Variants in PARD3B observed in about 807,000 individuals in gnomAD.
The protein encoded by PARD3B is partitioning defective 3 homolog B.
A neutral mutation model predicts 130.2 loss-of-function variants in PARD3B; 103 were observed. The ratio of observed to expected loss-of-function variants is 0.79; its 90% CI spans 0.67 to 0.93. The LOEUF (loss-of-function observed/expected upper bound fraction) is 0.93. Ranked by LOEUF, PARD3B falls within the 40% of genes least tolerant of loss-of-function variation. The pLI is 0.00. For missense variants in PARD3B, 1,609 were observed against 1,499.2 expected (o/e 1.07, Z -1.21); for synonymous variants, 583 against 553.2 (o/e 1.05, Z -0.76).
At position 205,550,955 on chromosome 2, in the gene PARD3B, GTATA is replaced by G. The variant is rs1553542806; in HGVS notation, c.3181-2350_3181-2347del. 5.3e-5 allele frequency among the ~76,000 whole-genome samples: 5 copies of G among 94,468 alleles called. No homozygotes were observed. Among genetic ancestry groups the G allele is most frequent in the African/African-American group, 1.5e-4 (4 of 26,372 alleles). 62.0% of individuals were successfully genotyped at this position (94,468 alleles called of 152,430 possible). A position where few individuals can be genotyped will look rare whatever the true frequency, so the allele number is the denominator to read the frequency against. ...TGTGTGTGTGTGTATATATATATGT[GTATA>G]TATATATATATATATATACACACAC... is the stretch of plus-strand genomic sequence containing the variant. On this transcript the variant is annotated intron_variant, in intron 21 of 22. Coordinates refer to ENST00000406610, the MANE Select transcript of PARD3B (RefSeq NM_001302769.2). The surrounding 1 kb of genome is among the most constrained non-coding windows in gnomAD (Gnocchi z 4.5).
intron 2 of PARD3B, among the ~76,000 whole-genome samples, chr2:204,884,812 C>A (rs1021889839): frequency 2.6e-5 from 4 of 152,190 alleles, no homozygotes; most frequent in African/African-American, 9.7e-5. Flanking sequence ...GACATTATCT[C>A]ATTCCTTTTT....
At chr2:204,582,514 A>T (rs567559228) in intron 1 of PARD3B, among the ~76,000 whole-genome samples, 30 of 150,940 alleles carry the variant, frequency 2.0e-4, no homozygotes, top group Admixed American at 3.3e-4. Flanking sequence ...CCCCCCCCTC[A>T]TTTCACACTA....
intron 2 of PARD3B, among the ~76,000 whole-genome samples, chr2:204,727,557 T>A (rs1370498244): frequency 1.3e-5 from 2 of 152,038 alleles, no homozygotes; most frequent in East Asian, 3.9e-4. Flanking sequence ...TCATAAAGAG[T>A]TGTGGCCTGC....
intron 22 of PARD3B, among the ~76,000 whole-genome samples, chr2:205,593,004 T>A (rs1337256555): frequency 6.6e-6 from 1 of 152,250 alleles, no homozygotes; most frequent in Admixed American, 6.5e-5. Flanking sequence ...ACCTTTTTTA[T>A]ATACTTTATA....
intron 2 of PARD3B, among the ~76,000 whole-genome samples, chr2:204,772,041 T>G (rs2041409726): frequency 1.3e-5 from 2 of 152,220 alleles, no homozygotes; most frequent in South Asian, 4.1e-4. Flanking sequence ...TGTCTTTGCA[T>G]GAACAAAACA....
At chr2:204,548,602 G>A (rs1312843330) in intron 1 of PARD3B, among the ~76,000 whole-genome samples, 3 of 152,208 alleles carry the variant, frequency 2.0e-5, no homozygotes, top group South Asian at 4.2e-4. Flanking sequence ...CATATTGTTT[G>A]TTTTTTAATG....
At chr2:205,377,893 C>A (rs112729301) in intron 18 of PARD3B, among the ~76,000 whole-genome samples, 5 of 151,698 alleles carry the variant, frequency 3.3e-5, no homozygotes, top group African/African-American at 7.3e-5. Context: ...GCCTCAGCCT[C>A]CCAAGTAGCT....
intron 21 of PARD3B, among the ~76,000 whole-genome samples, chr2:205,532,615 T>C (rs929324176): frequency 6.6e-6 from 1 of 152,202 alleles, no homozygotes; most frequent in Non-Finnish European, 1.5e-5. Flanking sequence ...TGAAACTATT[T>C]TGAAATTTGG....
chr2:205,369,507 C>G (rs1339338304), intron 18 of PARD3B, among the ~76,000 whole-genome samples: 1 of 152,194 alleles, frequency 6.6e-6, no homozygotes, highest in African/African-American at 2.4e-5. Flanking sequence ...CCTTCGTGTT[C>G]TGATTCCTGT....
chr2:205,271,987 G>A (rs145137900), intron 16 of PARD3B, among the ~76,000 whole-genome samples: 1,912 of 151,946 alleles, frequency 0.013, 48 homozygotes, highest in African/African-American at 0.044. Flanking sequence ...GGGAAACCCC[G>A]TCTCTACTAA....
At position 205,530,657 on chromosome 2, in the gene PARD3B, G is replaced by A. The variant is rs140108672; in HGVS notation, c.3181-22667G>A. The stretch of plus-strand genomic sequence containing the variant: ...CAGAGAGGGGCAAAATGTCTCTGGC[G>A]TGTGTGTGGTTAGCAGGGTAAGAGC... On this transcript the variant is annotated intron_variant, in intron 21 of 22. Coordinates refer to ENST00000406610, the MANE Select transcript of PARD3B (RefSeq NM_001302769.2). The surrounding 1 kb of genome is among the most constrained non-coding windows in gnomAD (Gnocchi z 4.7). 3.1e-3 allele frequency among the ~76,000 whole-genome samples: 470 copies of A among 152,032 alleles called. 4 individuals are homozygous for A. Among genetic ancestry groups the A allele is most frequent in the African/African-American group, 0.011 (444 of 41,362 alleles).
rs905876645 is a variant in PARD3B at position 205,563,563 on chromosome 2, C to G, written c.3260+10160C>G. ...TGTGAGTTCATGAGATGGGAGATAT[C>G]TTAGACCATATGAAGAATAGCCCAT... is the stretch of plus-strand genomic sequence containing the variant. On this transcript the variant is annotated intron_variant, in intron 22 of 22. Transcript: ENST00000406610. This position sits in a 1 kb window ranked among gnomAD's most constrained non-coding sequence, Gnocchi z 4.2. Among the ~76,000 whole-genome samples, 4 of 151,796 alleles carry G rather than the reference C, an allele frequency of 2.6e-5. No homozygotes were observed. The highest frequency in any genetic ancestry group is 5.9e-5 in the Non-Finnish European group (4 of 67,996).
chr2:205,139,976 ATGTGAATGTC>A (rs762064427), intron 10 of PARD3B, among the ~76,000 whole-genome samples: 15 of 152,242 alleles, frequency 9.9e-5, no homozygotes, highest in Non-Finnish European at 1.6e-4. Flanking sequence ...TACTGATCGC[ATGTGAATGTC>A]TTACTTCCTT....
At chr2:205,604,418 G>A (rs1324151736) in intron 22 of PARD3B, among the ~76,000 whole-genome samples, 1 of 152,164 alleles carries the variant, frequency 6.6e-6, no homozygotes, top group East Asian at 1.9e-4. Flanking sequence ...CATATCTGAT[G>A]AGACTTATTC....
chr2:205,173,676 G>A (rs2035303769), intron 12 of PARD3B, among the ~76,000 whole-genome samples: 1 of 151,964 alleles, frequency 6.6e-6, no homozygotes, highest in South Asian at 2.1e-4. Flanking sequence ...AATTTAAATT[G>A]GCCAATTACT....
intron 20 of PARD3B, among the ~76,000 whole-genome samples, chr2:205,488,557 A>G (rs1030995150): frequency 7.9e-5 from 12 of 152,152 alleles, no homozygotes; most frequent in African/African-American, 2.9e-4. Flanking sequence ...GAACCCACTC[A>G]CTGCTGTTTC....
At chr2:204,910,338 G>C (rs1475306283) in intron 2 of PARD3B, among the ~76,000 whole-genome samples, 1 of 152,132 alleles carries the variant, frequency 6.6e-6, no homozygotes, top group Non-Finnish European at 1.5e-5. Flanking sequence ...TTAAAGAACA[G>C]ACTGTTTTTT....
intron 22 of PARD3B, among the ~76,000 whole-genome samples, chr2:205,594,229 A>ATATG (rs1313565847): frequency 6.6e-5 from 10 of 152,214 alleles, no homozygotes; most frequent in Admixed American, 4.6e-4. Context: ...ACTTCCTGGG[A>ATATG]TATGACCCAG....
intron 1 of PARD3B, among the ~76,000 whole-genome samples, chr2:204,643,012 G>C (rs923183247): frequency 6.7e-6 from 1 of 148,740 alleles, no homozygotes; most frequent in Admixed American, 6.8e-5. Context: ...TACTCGGGAG[G>C]CTGAGGCAGG....
Sources: gnomAD v4.1 joint callset for allele counts (sites outside exome capture counted in the v4.1 genomes callset) on GRCh38, gnomAD v4.1.1 for gene constraint, Gnocchi (gnomAD v3.1) non-coding constraint, MANE v1.5 for transcripts, NCBI Gene and HGNC (gene_info 2026-07-23, HGNC 2026-07-21) for gene names.